Variants in SNCAIP observed in about 807,000 individuals in gnomAD.
The protein encoded by SNCAIP is synuclein alpha interacting protein, also known as synphilin-1.
Under a neutral mutation model 86.7 loss-of-function variants are expected in SNCAIP, and 43 were observed. The observed-to-expected ratio is 0.50, with a 90% CI of 0.39 to 0.64. SNCAIP has a LOEUF of 0.64. Among genes scored for constraint, SNCAIP ranks in the 30% least tolerant of loss-of-function variants. The pLI is 0.00. For missense variants in SNCAIP, 981 were observed against 1,103.1 expected (o/e 0.89, Z 1.57); for synonymous variants, 417 against 427.2 (o/e 0.98, Z 0.29).
chr5:122,344,610 T>A (rs1231369502), intron 1 of SNCAIP, among the ~76,000 whole-genome samples: 1 of 152,152 alleles, frequency 6.6e-6, no homozygotes, highest in Non-Finnish European at 1.5e-5. Context: ...AGTCAGTCAC[T>A]CAAAATACAT....
intron 1 of SNCAIP, among the ~76,000 whole-genome samples, chr5:122,373,666 C>T (rs1305148208): frequency 6.6e-6 from 1 of 152,060 alleles, no homozygotes; most frequent in African/African-American, 2.4e-5. Flanking sequence ...TATTTTTGTC[C>T]ACCTTATTAA....
Position 122,403,847 on chromosome 5 carries a change from C to G in SNCAIP, c.112C>G (p.Gln38Glu), listed in dbSNP as rs1270231058. ...IPELCRRCDTQNEDRSVSSSS... is the reference protein window; with the variant it reads ...IPELCRRCDTENEDRSVSSSS... Reference sequence around the variant, plus strand: ...AGAACTGTGCCGAAGATGTGATACGCAAAACGAAGACAGATCAGGTAGGTT... The same window carrying G: ...AGAACTGTGCCGAAGATGTGATACGGAAAACGAAGACAGATCAGGTAGGTT... Residue 38 changes from glutamine (Q) to glutamate (E), a missense_variant, in exon 3 of 11, where the codon CAA becomes GAA. Gln to Glu is a conservative substitution (Grantham distance 29). Transcript: ENST00000261368. The G allele has an allele frequency of 1.2e-6, 2 of 1,613,624 alleles. No homozygotes were observed. Among genetic ancestry groups the G allele is most frequent in the Non-Finnish European group, 1.7e-6 (2 of 1,179,564 alleles).
At position 122,453,730 on chromosome 5, in the gene SNCAIP, T is replaced by C. The variant is rs192157180; in HGVS notation, c.2754+2129T>C. 1.7e-3 allele frequency among the ~76,000 whole-genome samples: 257 copies of C among 151,556 alleles called. 1 individual carries two copies. Among genetic ancestry groups the C allele is most frequent in the African/African-American group, 5.7e-3 (236 of 41,300 alleles). ...ATTGGTTTACTTCAGAAGAGTTACATCCCTAAACCCATTTTAAAAGACTAT... is the reference window on the plus strand; with the variant it reads ...ATTGGTTTACTTCAGAAGAGTTACACCCCTAAACCCATTTTAAAAGACTAT... On this transcript the variant is annotated intron_variant, in intron 10 of 10. Transcript: ENST00000261368.
At chr5:122,395,963 C>T (rs1293919778) in intron 2 of SNCAIP, among the ~76,000 whole-genome samples, 1 of 152,062 alleles carries the variant, frequency 6.6e-6, no homozygotes, top group African/African-American at 2.4e-5. Context: ...TGGTTCAATC[C>T]CTTTTTCACT....
At chr5:122,445,463 G>A (rs1655784691) in intron 8 of SNCAIP, among the ~76,000 whole-genome samples, 1 of 152,044 alleles carries the variant, frequency 6.6e-6, no homozygotes, top group South Asian at 2.1e-4. Context: ...AAGGACTAAG[G>A]AGTTAACACC....
chr5:122,379,936 GT>G (rs1176632568), intron 1 of SNCAIP, among the ~76,000 whole-genome samples: 1 of 152,126 alleles, frequency 6.6e-6, no homozygotes, highest in East Asian at 1.9e-4. Flanking sequence ...GCTGGATTCG[GT>G]TTGCCAGTAT....
intron 1 of SNCAIP, among the ~76,000 whole-genome samples, chr5:122,344,991 A>G (rs1392081674): frequency 6.6e-6 from 1 of 152,206 alleles, no homozygotes; most frequent in African/African-American, 2.4e-5. Context: ...CTGTAAGCTG[A>G]GCAAATAATA....
intron 8 of SNCAIP, among the ~76,000 whole-genome samples, chr5:122,448,170 C>T (rs780090391): frequency 2.6e-5 from 4 of 152,166 alleles, no homozygotes; most frequent in African/African-American, 4.8e-5. Context: ...ATCTGAAGTA[C>T]AGCAGTCATT....
chr5:122,372,887 T>G (rs573969787), intron 1 of SNCAIP, among the ~76,000 whole-genome samples: 6 of 152,224 alleles, frequency 3.9e-5, no homozygotes, highest in Non-Finnish European at 7.4e-5. Flanking sequence ...CTTTTGTATT[T>G]CTAACATCCC....
At chr5:122,356,217 C>T (rs926254103) in intron 1 of SNCAIP, among the ~76,000 whole-genome samples, 5 of 151,064 alleles carry the variant, frequency 3.3e-5, no homozygotes, top group African/African-American at 1.2e-4. Flanking sequence ...GCCTCAACCT[C>T]CTGGGCTCAA....
rs535080008 is a variant in SNCAIP, at chr5:122,356,464, T to A, written c.-46-34625T>A. On this transcript the variant is annotated intron_variant, in intron 1 of 10. Coordinates refer to ENST00000261368, the MANE Select transcript of SNCAIP (RefSeq NM_005460.4). Reference sequence around the variant, plus strand: ...ATTACTCAGTTTATATAAATTAAAATTTTTTTTGATGAGACTGAACTAATT... The same window carrying A: ...ATTACTCAGTTTATATAAATTAAAAATTTTTTTGATGAGACTGAACTAATT... Among the ~76,000 whole-genome samples the A allele has an allele frequency of 2.0e-4, 31 of 152,184 alleles. No individual in the cohort carries two copies. The South Asian group carries it at 5.0e-3, about 24-fold the overall frequency.
intron 1 of SNCAIP, among the ~76,000 whole-genome samples, chr5:122,318,468 C>T (rs1169888988): frequency 6.6e-6 from 1 of 152,198 alleles, no homozygotes; most frequent in Non-Finnish European, 1.5e-5. Context: ...TATCTTTGCA[C>T]ATCCTGTGCT....
intron 1 of SNCAIP, among the ~76,000 whole-genome samples, chr5:122,341,664 C>T (rs1052445102): frequency 3.3e-5 from 5 of 152,134 alleles, no homozygotes; most frequent in South Asian, 2.1e-4. Flanking sequence ...TTTTCCATGC[C>T]GCCCTTCACT....
chr5:122,431,396 A>G (rs1042139810), intron 5 of SNCAIP, among the ~76,000 whole-genome samples: 2 of 152,204 alleles, frequency 1.3e-5, no homozygotes, highest in Non-Finnish European at 2.9e-5. Flanking sequence ...TAATTCTACA[A>G]TGAAATACTT....
chr5:122,423,824 C>A, intron 4 of SNCAIP, 85 bp downstream of exon 4: 1 of 1,250,436 alleles, frequency 8.0e-7, no homozygotes, highest in Non-Finnish European at 1.1e-6. Flanking sequence ...CAGAACGATG[C>A]TGCATTTGTT....
At chr5:122,443,473 C>T (rs949605089) in intron 7 of SNCAIP, 12 of 338,506 alleles carry the variant, frequency 3.5e-5, no homozygotes, top group Admixed American at 1.0e-4. Context: ...GGCCAGATTC[C>T]GTAACTTTCT....
intron 1 of SNCAIP, among the ~76,000 whole-genome samples, chr5:122,361,889 A>C (rs942342198): frequency 6.6e-6 from 1 of 152,240 alleles, no homozygotes; most frequent in African/African-American, 2.4e-5. Context: ...GCTTTTAGCT[A>C]TCTGTAAAAT....
At chr5:122,361,167 G>T in intron 1 of SNCAIP, among the ~76,000 whole-genome samples, 1 of 143,074 alleles carries the variant, frequency 7.0e-6, no homozygotes, top group Non-Finnish European at 1.5e-5. Context: ...ATCAAAGATA[G>T]TCATTTTTGA....
intron 1 of SNCAIP, among the ~76,000 whole-genome samples, chr5:122,345,735 A>G (rs1289636494): frequency 6.6e-6 from 1 of 152,096 alleles, no homozygotes; most frequent in East Asian, 1.9e-4. Context: ...GTCATGGTTC[A>G]CTGCAACCTT....
Sources: allele counts gnomAD v4.1 joint callset (sites outside exome capture counted in the v4.1 genomes callset), GRCh38; gene constraint gnomAD v4.1.1; transcripts MANE v1.5; gene names NCBI Gene and HGNC (gene_info 2026-07-23, HGNC 2026-07-21).